The following SYNRG variants were observed in gnomAD, a reference collection of about 807,000 sequenced individuals.
SYNRG encodes synergin gamma, also known as AP1 gamma subunit binding protein 1.
SYNRG carries 37 observed loss-of-function variants against 130.9 expected under a neutral mutation model. That is an observed-to-expected ratio of 0.28 (90% CI 0.22 to 0.37). The LOEUF (loss-of-function observed/expected upper bound fraction) is 0.37. Ranked by LOEUF, SYNRG falls within the 10% of genes least tolerant of loss-of-function variation. The probability of loss-of-function intolerance (pLI) is 1.00; values close to 1 mark genes in which losing one functional copy is unlikely to be tolerated. For missense variants in SYNRG, 1,338 were observed against 1,588.9 expected (o/e 0.84, Z 2.68); for synonymous variants, 539 against 568.1 (o/e 0.95, Z 0.73).
intron 6 of SYNRG, among the ~76,000 whole-genome samples, chr17:37,582,822 C>A (rs1478042378): frequency 6.6e-6 from 1 of 151,978 alleles, no homozygotes; most frequent in South Asian, 2.1e-4. Context: ...GATCATGTCA[C>A]CGCACTAGGG....
rs898145306 is a variant in SYNRG, at chr17:37,516,783, G to A, written c.*2157C>T. The stretch of plus-strand genomic sequence containing the variant: ...CAGCTTACCTAGTAGCTGGGACCAC[G>A]AATGTCCACAGATGCACTCCACCTA... On this transcript the variant is annotated 3_prime_UTR_variant, in exon 22 of 22. Coordinates refer to ENST00000612223, the MANE Select transcript of SYNRG (RefSeq NM_007247.6). 15 of 151,724 alleles carry A rather than the reference G, an allele frequency of 9.9e-5. No homozygotes were observed. Among genetic ancestry groups the A allele is most frequent in the Admixed American group, 5.3e-4 (8 of 15,194 alleles). The allele number at this position is 151,724 out of a possible 1,614,324, so 9.4% of individuals were successfully genotyped here.
In SYNRG at chr17:37,536,042, C is replaced by A; in HGVS notation, c.3603G>T (p.Leu1201Phe). 6.2e-7 allele frequency: 1 copy of A among 1,614,178 alleles called. No homozygotes were observed. Among genetic ancestry groups the A allele is most frequent in the East Asian group, 2.2e-5 (1 of 44,888 alleles). Residue 1201 changes from leucine (L) to phenylalanine (F), a missense_variant, in exon 19 of 22, where the codon TTG becomes TTT. Leu to Phe is a conservative substitution (Grantham distance 22). This residue lies in a region of SYNRG where 1,146 missense variants were observed against 1,342.3 expected (regional missense o/e 0.85). Coordinates refer to ENST00000612223, the MANE Select transcript of SYNRG (RefSeq NM_007247.6). ...TCCATACTTTATCGATGTCCTTCAG[C>A]AACTGCTGGAGTTTCTCACTGCACA... ...TAVCSEKLQQ[L>F]LKDIDKVWNN...
At chr17:37,595,163 T>C (rs957679969) in intron 3 of SYNRG, among the ~76,000 whole-genome samples, 2 of 152,154 alleles carry the variant, frequency 1.3e-5, no homozygotes, top group Non-Finnish European at 2.9e-5. Flanking sequence ...TAGAGACAGA[T>C]AAAAAATGAC....
At chr17:37,556,703 C>A (rs796805896) in intron 13 of SYNRG, among the ~76,000 whole-genome samples, 1 of 152,058 alleles carries the variant, frequency 6.6e-6, no homozygotes, top group Non-Finnish European at 1.5e-5. Flanking sequence ...GTAAGACATA[C>A]CACTAGTAAA....
intron 19 of SYNRG, among the ~76,000 whole-genome samples, chr17:37,534,341 TA>T (rs977014005): frequency 2.0e-5 from 3 of 152,146 alleles, no homozygotes; most frequent in Non-Finnish European, 4.4e-5. Flanking sequence ...GATTAAAAAA[TA>T]TTTTTTTATC....
intron 14 of SYNRG, among the ~76,000 whole-genome samples, chr17:37,548,796 G>C (rs1167991779): frequency 6.9e-6 from 1 of 144,312 alleles, no homozygotes; most frequent in Non-Finnish European, 1.5e-5. Flanking sequence ...TTCCACTCCA[G>C]CCTGGGTGAC....
At chr17:37,592,634 T>C (rs1653797257) in intron 3 of SYNRG, among the ~76,000 whole-genome samples, 1 of 152,242 alleles carries the variant, frequency 6.6e-6, no homozygotes, top group South Asian at 2.1e-4. Flanking sequence ...TTTGGATGAA[T>C]CTGAAGGGAT....
At chr17:37,581,999 G>C (rs2061375969) in intron 6 of SYNRG, among the ~76,000 whole-genome samples, 1 of 152,062 alleles carries the variant, frequency 6.6e-6, no homozygotes, top group Non-Finnish European at 1.5e-5. Flanking sequence ...CCGACCTCAG[G>C]TGATCCACCC....
chr17:37,590,033 T>A (rs2062022417), intron 3 of SYNRG, among the ~76,000 whole-genome samples: 1 of 151,794 alleles, frequency 6.6e-6, no homozygotes, highest in African/African-American at 2.4e-5. Context: ...TAGCCAGGCA[T>A]GATGGGGCAT....
chr17:37,525,584 G>A (rs1465365853), intron 19 of SYNRG, among the ~76,000 whole-genome samples: 2 of 152,190 alleles, frequency 1.3e-5, no homozygotes, highest in Admixed American at 1.3e-4. Flanking sequence ...TGTAACCCCA[G>A]CACTTTGGGA....
At chr17:37,538,711 C>G (rs542762752) in intron 17 of SYNRG, among the ~76,000 whole-genome samples, 1 of 152,324 alleles carries the variant, frequency 6.6e-6, no homozygotes, top group East Asian at 1.9e-4. Flanking sequence ...TCTCCTGCCT[C>G]AGTTTCCTGA....
intron 8 of SYNRG, among the ~76,000 whole-genome samples, chr17:37,573,880 G>A (rs1421302205): frequency 2.0e-5 from 3 of 152,192 alleles, no homozygotes; most frequent in African/African-American, 7.2e-5. Context: ...ATTCTTCACA[G>A]AAACAGAAAA....
At chr17:37,586,957 T>C (rs1277528008) in intron 3 of SYNRG, among the ~76,000 whole-genome samples, 1 of 152,142 alleles carries the variant, frequency 6.6e-6, no homozygotes, top group Non-Finnish European at 1.5e-5. Flanking sequence ...ATGGTAAACA[T>C]ACCACAAATG....
chr17:37,571,022 T>A, intron 9 of SYNRG, 137 bp from the exon 10 acceptor site: 2 of 1,212,088 alleles, frequency 1.7e-6, no homozygotes, highest in Non-Finnish European at 2.3e-6. Context: ...GAATTTGATT[T>A]AAGAAAAAAA....
intron 14 of SYNRG, among the ~76,000 whole-genome samples, chr17:37,547,094 C>T (rs1238767909): frequency 6.6e-6 from 1 of 152,202 alleles, no homozygotes; most frequent in Non-Finnish European, 1.5e-5. Context: ...TAATTGCCTT[C>T]CAGTGTTTTC....
chr17:37,522,683 C>G (rs1319873545), intron 19 of SYNRG, among the ~76,000 whole-genome samples: 1 of 147,324 alleles, frequency 6.8e-6, no homozygotes, highest in Admixed American at 6.9e-5. Flanking sequence ...CTCTGTAGCC[C>G]AGGCTGGAGT....
intron 3 of SYNRG, among the ~76,000 whole-genome samples, chr17:37,588,258 C>CTTTTTTTTTT (rs35767898): frequency 9.7e-6 from 1 of 103,206 alleles, no homozygotes; most frequent in Non-Finnish European, 1.9e-5. Context: ...ACTTTAAATT[C>CTTTTTTTTTT]TTTTTTTTTT....
At chr17:37,605,660 T>A (rs2063689618) in intron 1 of SYNRG, among the ~76,000 whole-genome samples, 1 of 152,210 alleles carries the variant, frequency 6.6e-6, no homozygotes, top group South Asian at 2.1e-4. Context: ...AATAACAACA[T>A]GCTTAAAGAT....
At chr17:37,552,994 G>A in intron 14 of SYNRG, 121 bp downstream of exon 14, 1 of 863,730 alleles carries the variant, frequency 1.2e-6, no homozygotes, top group Non-Finnish European at 1.8e-6. Context: ...CAATAAAGAG[G>A]TTGATTATTA....
Sources: gnomAD v4.1 joint callset for allele counts (sites outside exome capture counted in the v4.1 genomes callset) on GRCh38, gnomAD v4.1.1 for gene constraint, gnomAD v4.1.1 regional missense constraint, MANE v1.5 for transcripts, NCBI Gene and HGNC (gene_info 2026-07-23, HGNC 2026-07-21) for gene names.